CFAP46: variants seen among roughly 807,000 people sequenced by gnomAD.
CFAP46 encodes cilia- and flagella-associated protein 46.
In CFAP46, 245 loss-of-function variants were observed where a neutral mutation model predicts 325.7. That is an observed-to-expected ratio of 0.75 (90% CI 0.68 to 0.84). The LOEUF (loss-of-function observed/expected upper bound fraction) is 0.84. Among genes scored for constraint, CFAP46 ranks in the 40% least tolerant of loss-of-function variants. CFAP46 has a pLI of 0.00. For synonymous variants in CFAP46, 1,523 were observed against 1,495.9 expected (o/e 1.02, Z -0.42); for missense variants, 3,346 against 3,543.0 (o/e 0.94, Z 1.41).
intron 32 of CFAP46, among the ~76,000 whole-genome samples, chr10:132,870,001 C>G (rs1848874580): frequency 6.6e-6 from 1 of 152,222 alleles, no homozygotes; most frequent in African/African-American, 2.4e-5. Flanking sequence ...CGACCAAGTC[C>G]ATCGGCGCCA....
At chr10:132,824,723 A>G (rs1449003803) in intron 50 of CFAP46, among the ~76,000 whole-genome samples, 1 of 36,248 alleles carries the variant, frequency 2.8e-5, no homozygotes, top group Non-Finnish European at 4.3e-5. Flanking sequence ...GTGTGTACTG[A>G]TGTGTGCTGT....
intron 25 of CFAP46, among the ~76,000 whole-genome samples, chr10:132,890,205 C>T (rs1425029809): frequency 1.3e-5 from 2 of 152,108 alleles, no homozygotes; most frequent in African/African-American, 4.8e-5. Context: ...TCTGGGCTGC[C>T]CAGAGGCACA....
chr10:132,879,461 G>A lies in CFAP46; in HGVS notation c.3970C>T (p.Leu1324Phe), dbSNP rs1182239181. ...PGAEGYEDCC[L>F]AAYAFFRHIW... ...TGCCTGAAGAAGGCGTAGGCTGCAA[G>A]GCAGCAGTCCTCGTAGCCCTCGGCG... Residue 1324 changes from leucine to phenylalanine, a missense_variant, in exon 29 of 58, where the codon CTT becomes TTT. Transcript: ENST00000368586. The A allele has an allele frequency of 2.5e-5, 39 of 1,543,726 alleles. No homozygotes were observed. The highest frequency in any genetic ancestry group is 3.1e-5 in the Non-Finnish European group (36 of 1,143,748).
At chr10:132,831,220 C>CTCTGTG (rs1554876170) in intron 50 of CFAP46, among the ~76,000 whole-genome samples, 1 of 148,088 alleles carries the variant, frequency 6.8e-6, no homozygotes, top group Non-Finnish European at 1.5e-5. Context: ...GTCAAATGTT[C>CTCTGTG]TGTGTGTGTG....
chr10:132,942,356 T>C, intron 1 of CFAP46, 80 bp downstream of exon 1: 4 of 952,512 alleles, frequency 4.2e-6, no homozygotes, highest in East Asian at 3.0e-5. Flanking sequence ...GATGAGAGGG[T>C]CCGGGGCCTC....
At chr10:132,885,647 T>G (rs983439155) in intron 26 of CFAP46, among the ~76,000 whole-genome samples, 174 bp downstream of exon 26, 21 of 87,330 alleles carry the variant, frequency 2.4e-4, no homozygotes, top group Non-Finnish European at 6.8e-5. Flanking sequence ...GGGAGCACAC[T>G]CCGGTGGGGG....
chr10:132,821,666 T>TGA (rs1847835278), intron 50 of CFAP46, among the ~76,000 whole-genome samples: 1 of 140,496 alleles, frequency 7.1e-6, no homozygotes, highest in Non-Finnish European at 1.5e-5. Context: ...GTGTGCTGTG[T>TGA]GTGCTGTGTG....
Position 132,808,790 on chromosome 10 carries a change from CA to C in CFAP46, c.7778del (p.Val2593GlyfsTer107). The C allele has an allele frequency of 6.2e-7, 1 of 1,602,034 alleles. No homozygotes were observed. Among genetic ancestry groups the C allele is most frequent in the South Asian group, 1.1e-5 (1 of 89,350 alleles). ...CTGATGGGAGGCAGGTCCAGGCCTG[CA>C]CTACCCGATGGCTTGGTGCGGCAGC... ...VWAAAPSHRV[V>X]QAWTCLPSAA... On this transcript the variant is annotated frameshift_variant, in exon 58 of 58. Coordinates refer to ENST00000368586, the MANE Select transcript of CFAP46 (RefSeq NM_001200049.3). LOFTEE classifies it low-confidence loss of function (END_TRUNC). This position sits in a 1 kb window ranked among gnomAD's most constrained non-coding sequence, Gnocchi z 6.8.
chr10:132,851,963 T>G (rs112135370), intron 39 of CFAP46, among the ~76,000 whole-genome samples: 16 of 147,194 alleles, frequency 1.1e-4, no homozygotes, highest in East Asian at 4.0e-4. Flanking sequence ...TGTTCCTCCA[T>G]TTACTTAGGA....
chr10:132,820,233 G>A (rs1028292237), intron 50 of CFAP46, among the ~76,000 whole-genome samples: 7 of 152,238 alleles, frequency 4.6e-5, no homozygotes, highest in East Asian at 3.8e-4. Flanking sequence ...AGGACATCAC[G>A]CAAAGTGAAA....
At position 132,910,175 on chromosome 10, in the gene CFAP46, C is replaced by T. The variant is rs536609924; in HGVS notation, c.2500-107G>A. 5.0e-5 allele frequency: 56 copies of T among 1,131,250 alleles called. No homozygotes were observed. In the South Asian group the frequency reaches 1.2e-3, roughly 24 times the overall value. The allele number at this position is 1,131,250 out of a possible 1,614,324, so 70.1% of individuals were successfully genotyped here. ...GATGGAGCCCGCTCCTGATCCAGCC[C>T]GTGAAGGGCCTTAAACACGAGACCT... On this transcript the variant is annotated intron_variant, in intron 19 of 57. Transcript: ENST00000368586.
chr10:132,814,823 C>T, intron 51 of CFAP46, 21 bp downstream of exon 51: 1 of 1,614,136 alleles, frequency 6.2e-7, no homozygotes, highest in Non-Finnish European at 8.5e-7. Context: ...GCCCGATCCC[C>T]TATCACAGGC....
At position 132,887,462 on chromosome 10, in the gene CFAP46, C is replaced by T. The variant is rs369526697; in HGVS notation, c.3305-1503G>A. Among the ~76,000 whole-genome samples, 71 of 128,416 alleles carry T rather than the reference C, an allele frequency of 5.5e-4. 1 individual carries two copies. Among genetic ancestry groups the T allele is most frequent in the African/African-American group, 2.0e-3 (65 of 32,402 alleles). The allele number at this position is 128,416 out of a possible 152,430, so 84.2% of individuals were successfully genotyped here. A position where few individuals can be genotyped will look rare whatever the true frequency, so the allele number is the denominator to read the frequency against. On this transcript the variant is annotated intron_variant, in intron 25 of 57. Coordinates refer to ENST00000368586, the MANE Select transcript of CFAP46 (RefSeq NM_001200049.3). ...TCTCCCCTCTTCTCTCTCCTCTCCC[C>T]TCTTCTCTCTCTCCTCTCCTCTCTC...
chr10:132,822,487 GTGTGTGCTGA>G (rs1477231958), intron 50 of CFAP46, among the ~76,000 whole-genome samples: 3 of 135,450 alleles, frequency 2.2e-5, no homozygotes, highest in Admixed American at 7.4e-5. Flanking sequence ...TGTGTGTGCT[GTGTGTGCTGA>G]TGTGTGCTGT....
Position 132,880,821 on chromosome 10 carries a change from G to C in CFAP46, c.3799+40C>G, listed in dbSNP as rs1047573831. The C allele has an allele frequency of 3.9e-6, 6 of 1,529,862 alleles. No homozygotes were observed. In the East Asian group the frequency reaches 7.4e-5, roughly 19 times the overall value. 94.8% of individuals were successfully genotyped at this position (1,529,862 alleles called of 1,614,324 possible). ...GGAGCAGGAAGCAGAGCTCTGGGGAGCGGCGTGGGGTCGGCACCCTGCCAG... is the reference window on the plus strand; with the variant it reads ...GGAGCAGGAAGCAGAGCTCTGGGGACCGGCGTGGGGTCGGCACCCTGCCAG... On this transcript the variant is annotated intron_variant, in intron 28 of 57. Coordinates refer to ENST00000368586, the MANE Select transcript of CFAP46 (RefSeq NM_001200049.3).
chr10:132,878,325 C>T (rs963101782), intron 29 of CFAP46, among the ~76,000 whole-genome samples: 1 of 152,166 alleles, frequency 6.6e-6, no homozygotes, highest in African/African-American at 2.4e-5. Context: ...CTGCTGGCTC[C>T]GCGGGTGTCC....
Position 132,814,485 on chromosome 10 carries a change from G to A in CFAP46, c.7285+92C>T, listed in dbSNP as rs182486567. ...CATATGCAGATTTCGGAGCCTCGAGGAGTGGGGCACCAGTTGCTGCCCACA... is the reference window on the plus strand; with the variant it reads ...CATATGCAGATTTCGGAGCCTCGAGAAGTGGGGCACCAGTTGCTGCCCACA... On this transcript the variant is annotated intron_variant, in intron 53 of 57. Coordinates refer to ENST00000368586, the MANE Select transcript of CFAP46 (RefSeq NM_001200049.3). 5,194 of 1,463,530 alleles carry A rather than the reference G, an allele frequency of 3.5e-3. 184 individuals are homozygous for A. The South Asian group carries it at 0.058, about 16-fold the overall frequency. The allele number at this position is 1,463,530 out of a possible 1,614,324, so 90.7% of individuals were successfully genotyped here.
At chr10:132,880,042 G>A (rs756591784) in intron 28 of CFAP46, among the ~76,000 whole-genome samples, 3 of 152,140 alleles carry the variant, frequency 2.0e-5, no homozygotes, top group African/African-American at 2.4e-5. Context: ...CCACAGGGAG[G>A]GTGGCCCTGA....
intron 16 of CFAP46, among the ~76,000 whole-genome samples, chr10:132,917,498 C>T (rs1849658498): frequency 6.6e-6 from 1 of 152,238 alleles, no homozygotes; most frequent in Admixed American, 6.5e-5. Context: ...GCCTGGCGGC[C>T]CCATCACAGG....
Sources: allele counts gnomAD v4.1 joint callset (sites outside exome capture counted in the v4.1 genomes callset), GRCh38; gene constraint gnomAD v4.1.1; non-coding constraint Gnocchi (gnomAD v3.1); transcripts MANE v1.5; gene names NCBI Gene and HGNC (gene_info 2026-07-23, HGNC 2026-07-21).